The following CCDC50 variants were observed in gnomAD, a reference collection of about 807,000 sequenced individuals.
CCDC50 encodes coiled-coil domain containing 50.
A neutral mutation model predicts 70.2 loss-of-function variants in CCDC50; 54 were observed. The ratio of observed to expected loss-of-function variants is 0.77; its 90% CI spans 0.62 to 0.96. The LOEUF is 0.96. Ranked by LOEUF, CCDC50 falls within the 50% of genes least tolerant of loss-of-function variation. The probability of loss-of-function intolerance (pLI) is 0.00; values close to 1 mark genes in which losing one functional copy is unlikely to be tolerated. For synonymous variants in CCDC50, 216 were observed against 198.8 expected (o/e 1.09, Z -0.73); for missense variants, 558 against 578.7 (o/e 0.96, Z 0.37).
At chr3:191,363,865 T>C (rs543166024) in intron 4 of CCDC50, among the ~76,000 whole-genome samples, 1 of 152,326 alleles carries the variant, frequency 6.6e-6, no homozygotes, top group African/African-American at 2.4e-5. Flanking sequence ...GACTCTCAGC[T>C]GTCTAGTATG....
intron 10 of CCDC50, among the ~76,000 whole-genome samples, chr3:191,387,385 T>C (rs1448537482): frequency 2.0e-5 from 3 of 152,144 alleles, no homozygotes; most frequent in Non-Finnish European, 4.4e-5. Context: ...CTTAATACAA[T>C]AAAACTGTAC....
chr3:191,357,171 A>G, intron 2 of CCDC50, 21 bp downstream of exon 2: 1 of 1,604,442 alleles, frequency 6.2e-7, no homozygotes, highest in Non-Finnish European at 8.5e-7. Flanking sequence ...CCTCTCATTT[A>G]TGCTCCTTCA....
At chr3:191,334,867 G>A (rs1170126221) in intron 1 of CCDC50, among the ~76,000 whole-genome samples, 2 of 152,130 alleles carry the variant, frequency 1.3e-5, no homozygotes, top group Non-Finnish European at 2.9e-5. Context: ...TATGGATGCT[G>A]AGTTAACATA....
intron 10 of CCDC50, among the ~76,000 whole-genome samples, chr3:191,385,238 A>G (rs1037160701): frequency 2.6e-5 from 4 of 152,140 alleles, no homozygotes; most frequent in African/African-American, 9.7e-5. Flanking sequence ...AAGTCTCCAA[A>G]CCGCTTTCCA....
intron 9 of CCDC50, 86 bp from the exon 10 acceptor site, chr3:191,382,660 T>G: frequency 1.1e-6 from 1 of 877,184 alleles, no homozygotes; most frequent in Non-Finnish European, 1.9e-6. Flanking sequence ...TAAACATACG[T>G]TAAACTTAAT....
intron 1 of CCDC50, among the ~76,000 whole-genome samples, chr3:191,355,743 G>A (rs781631387): frequency 2.6e-5 from 4 of 152,172 alleles, no homozygotes; most frequent in Non-Finnish European, 5.9e-5. Flanking sequence ...AAAAAGAACA[G>A]GGCTTTCTGT....
At position 191,393,595 on chromosome 3, in the gene CCDC50, A is replaced by C. The variant is rs1474897132; in HGVS notation, c.*1835A>C. 6.6e-6 allele frequency: 1 copy of C among 152,228 alleles called. No individual in the cohort carries two copies. Among genetic ancestry groups the C allele is most frequent in the Non-Finnish European group, 1.5e-5 (1 of 68,036 alleles). 9.4% of individuals were successfully genotyped at this position (152,228 alleles called of 1,614,324 possible). A position where few individuals can be genotyped will look rare whatever the true frequency, so the allele number is the denominator to read the frequency against. The stretch of plus-strand genomic sequence containing the variant: ...TGGGCAAATGTTAATCAGAAAGATA[A>C]TCTACATCCCTACTTTATGTAGTCA... On this transcript the variant is annotated 3_prime_UTR_variant, in exon 12 of 12. Transcript: ENST00000392455.
chr3:191,365,042 TTAAC>T (rs1712632739), intron 4 of CCDC50, among the ~76,000 whole-genome samples: 1 of 152,086 alleles, frequency 6.6e-6, no homozygotes, highest in African/African-American at 2.4e-5. Flanking sequence ...TTAGTTATTC[TTAAC>T]TAAAACTCTA....
chr3:191,353,798 G>A (rs1712181489), intron 1 of CCDC50, among the ~76,000 whole-genome samples: 1 of 101,438 alleles, frequency 9.9e-6, no homozygotes, highest in Admixed American at 1.0e-4. Flanking sequence ...GGCAAAGTCA[G>A]TGTATTTGAC....
At chr3:191,346,638 C>T (rs1379339070) in intron 1 of CCDC50, among the ~76,000 whole-genome samples, 1 of 152,156 alleles carries the variant, frequency 6.6e-6, no homozygotes, top group African/African-American at 2.4e-5. Context: ...TACATACACT[C>T]TGGAGAATGT....
chr3:191,382,098 T>C (rs994863913), intron 9 of CCDC50, among the ~76,000 whole-genome samples: 2 of 152,156 alleles, frequency 1.3e-5, no homozygotes, highest in African/African-American at 4.8e-5. Flanking sequence ...CCACAAATAA[T>C]TACCCAGGAG....
chr3:191,389,818 C>T (rs1713619638), intron 11 of CCDC50, among the ~76,000 whole-genome samples: 1 of 150,392 alleles, frequency 6.6e-6, no homozygotes, highest in South Asian at 2.1e-4. Flanking sequence ...TTTGCATTTT[C>T]CTCGAGAGGG....
At chr3:191,331,381 A>G (rs1717978575) in intron 1 of CCDC50, among the ~76,000 whole-genome samples, 1 of 152,222 alleles carries the variant, frequency 6.6e-6, no homozygotes, top group South Asian at 2.1e-4. Flanking sequence ...GATGTATTCT[A>G]ACATATTATT....
intron 1 of CCDC50, among the ~76,000 whole-genome samples, chr3:191,345,670 C>G (rs1042084953): frequency 1.3e-5 from 2 of 152,136 alleles, no homozygotes; most frequent in Non-Finnish European, 2.9e-5. Context: ...TTAGCCATAA[C>G]ATATCTACTT....
chr3:191,362,844 T>A (rs1188116163), intron 4 of CCDC50, among the ~76,000 whole-genome samples: 2 of 152,232 alleles, frequency 1.3e-5, no homozygotes, highest in African/African-American at 4.8e-5. Flanking sequence ...GATCATGTGA[T>A]AATCAGAGCT....
chr3:191,389,495 G>A lies in CCDC50; in HGVS notation c.1323-1G>A. ...CCCTTTAAATTCTGGATTCCTTTTA[G>A]GCCACCACCACCTATCATGACAGAT... is the stretch of plus-strand genomic sequence containing the variant. On this transcript the variant is annotated splice_acceptor_variant, in intron 10 of 11. Coordinates refer to ENST00000392455, the MANE Select transcript of CCDC50 (RefSeq NM_178335.3). LOFTEE classifies it high-confidence loss of function. 1 of 1,613,272 alleles carries A rather than the reference G, an allele frequency of 6.2e-7. No individual in the cohort carries two copies. The highest frequency in any genetic ancestry group is 8.5e-7 in the Non-Finnish European group (1 of 1,179,300).
chr3:191,375,647 T>C, intron 6 of CCDC50, 58 bp downstream of exon 6: 2 of 1,547,092 alleles, frequency 1.3e-6, no homozygotes, highest in East Asian at 2.4e-5. Context: ...TACAAACCAA[T>C]GAATTTAATA....
intron 5 of CCDC50, chr3:191,370,370 C>G (rs1712863940): frequency 3.4e-6 from 1 of 296,866 alleles, no homozygotes; most frequent in South Asian, 2.9e-5. Context: ...CCCCCTCCCC[C>G]CACCCCACAA....
At chr3:191,369,779 G>A in intron 4 of CCDC50, 140 bp from the exon 5 acceptor site, 1 of 715,578 alleles carries the variant, frequency 1.4e-6, no homozygotes, top group Non-Finnish European at 2.6e-6. Flanking sequence ...GGCATTTGAA[G>A]ACATGAAATT....
Sources: gnomAD v4.1 joint callset for allele counts (sites outside exome capture counted in the v4.1 genomes callset) on GRCh38, gnomAD v4.1.1 for gene constraint, MANE v1.5 for transcripts, NCBI Gene and HGNC (gene_info 2026-07-23, HGNC 2026-07-21) for gene names.